The following CLSTN2 variants were observed in gnomAD, a reference collection of about 807,000 sequenced individuals.
CLSTN2 encodes calsyntenin 2.
Under a neutral mutation model 101.2 loss-of-function variants are expected in CLSTN2, and 48 were observed. That is an observed-to-expected ratio of 0.47 (90% confidence interval 0.38 to 0.60). The LOEUF is 0.60. Ranked by LOEUF, CLSTN2 falls within the 20% of genes least tolerant of loss-of-function variation. CLSTN2 has a pLI of 0.00. For missense variants in CLSTN2, 1,160 were observed against 1,238.2 expected (o/e 0.94, Z 0.95); for synonymous variants, 481 against 463.6 (o/e 1.04, Z -0.48).
chr3:140,297,044 G>A (rs557525151), intron 2 of CLSTN2, among the ~76,000 whole-genome samples: 14 of 152,318 alleles, frequency 9.2e-5, no homozygotes, highest in Middle Eastern at 3.4e-3. Context: ...GCTTCCTTCA[G>A]GTGAAATTCA....
chr3:140,002,813 A>T (rs1412232065), intron 1 of CLSTN2, among the ~76,000 whole-genome samples: 1 of 152,128 alleles, frequency 6.6e-6, no homozygotes, highest in Admixed American at 6.5e-5. Flanking sequence ...CATTTTGAAG[A>T]GACTGTATTT....
chr3:140,233,785 A>G lies in CLSTN2; in HGVS notation c.232+57712A>G, dbSNP rs896374110. On this transcript the variant is annotated intron_variant, in intron 2 of 16. Coordinates refer to ENST00000458420, the MANE Select transcript of CLSTN2 (RefSeq NM_022131.3). ...TTAATATATCTGTTTAGCTTGAAAC[A>G]TATTTTCTCCTTCCACAATCCCTCT... Among the ~76,000 whole-genome samples, 6 of 152,180 alleles carry G rather than the reference A, an allele frequency of 3.9e-5. No individual in the cohort carries two copies. In the East Asian group the frequency reaches 5.8e-4, roughly 15 times the overall value.
At chr3:139,984,804 A>G (rs1935994672) in intron 1 of CLSTN2, among the ~76,000 whole-genome samples, 1 of 152,196 alleles carries the variant, frequency 6.6e-6, no homozygotes, top group South Asian at 2.1e-4. Context: ...CCTGCCTTGT[A>G]TCTCAGATTC....
chr3:140,341,861 A>G (rs910285397), intron 2 of CLSTN2, among the ~76,000 whole-genome samples: 5 of 152,208 alleles, frequency 3.3e-5, no homozygotes, highest in African/African-American at 1.2e-4. Context: ...GTGTATATAT[A>G]TAATATTTTT....
intron 1 of CLSTN2, among the ~76,000 whole-genome samples, chr3:140,039,664 C>T (rs1336363194): frequency 6.6e-6 from 1 of 152,188 alleles, no homozygotes; most frequent in African/African-American, 2.4e-5. Flanking sequence ...TGTCTCTCCA[C>T]TGCCACCAAG....
chr3:140,306,594 A>C (rs879738189), intron 2 of CLSTN2, among the ~76,000 whole-genome samples: 48 of 152,298 alleles, frequency 3.2e-4, no homozygotes, highest in Non-Finnish European at 6.5e-4. Context: ...GCCTGCCATC[A>C]AGTAGCTGCT....
intron 1 of CLSTN2, among the ~76,000 whole-genome samples, chr3:140,103,050 C>T (rs574694500): frequency 4.6e-5 from 7 of 152,214 alleles, no homozygotes; most frequent in African/African-American, 1.7e-4. Flanking sequence ...AATAGCTCAA[C>T]AATTAAAGGT....
At chr3:140,429,335 G>C (rs1261321159) in intron 5 of CLSTN2, among the ~76,000 whole-genome samples, 1 of 152,180 alleles carries the variant, frequency 6.6e-6, no homozygotes, top group Non-Finnish European at 1.5e-5. Context: ...AGCTGCACTG[G>C]AGGGACCGTG....
At chr3:140,136,595 G>A (rs962327951) in intron 1 of CLSTN2, among the ~76,000 whole-genome samples, 4 of 152,202 alleles carry the variant, frequency 2.6e-5, no homozygotes, top group Admixed American at 6.5e-5. Context: ...TGGGTCAAAG[G>A]TACTTGAGCT....
At chr3:139,986,351 A>T (rs1446279242) in intron 1 of CLSTN2, among the ~76,000 whole-genome samples, 4 of 152,094 alleles carry the variant, frequency 2.6e-5, no homozygotes, top group African/African-American at 9.7e-5. Context: ...AGGCTTTGTT[A>T]TCTCATCAAT....
intron 8 of CLSTN2, among the ~76,000 whole-genome samples, chr3:140,470,499 T>C (rs765715176): frequency 2.6e-5 from 4 of 152,066 alleles, no homozygotes; most frequent in African/African-American, 7.2e-5. Context: ...GGTCAGGGCG[T>C]GTGAGCTCTC....
chr3:140,193,170 AGAG>A (rs1368999454), intron 2 of CLSTN2, among the ~76,000 whole-genome samples: 1 of 151,640 alleles, frequency 6.6e-6, no homozygotes, highest in Non-Finnish European at 1.5e-5. Flanking sequence ...AAAGAACTCA[AGAG>A]GAGAAGGAAG....
chr3:140,058,509 G>A (rs889656080), intron 1 of CLSTN2, among the ~76,000 whole-genome samples: 5 of 152,200 alleles, frequency 3.3e-5, no homozygotes, highest in African/African-American at 4.8e-5. Flanking sequence ...CATGGTGAAA[G>A]CTTGAGCTGG....
rs79821033 is a variant in CLSTN2 at position 140,010,950 on chromosome 3, G to A, written c.109+75467G>A. 1.7e-3 allele frequency among the ~76,000 whole-genome samples: 262 copies of A among 152,346 alleles called. 1 individual carries two copies. The highest frequency in any genetic ancestry group is 6.2e-3 in the African/African-American group (257 of 41,576). On this transcript the variant is annotated intron_variant, in intron 1 of 16. Transcript: ENST00000458420. ...TTGTCTTTGTGCTTCAGATGCACCTGAATGGCCTGTGTGTTCTGGGGGTTA... is the reference window on the plus strand; with the variant it reads ...TTGTCTTTGTGCTTCAGATGCACCTAAATGGCCTGTGTGTTCTGGGGGTTA...
At chr3:140,064,550 T>C (rs1439879307) in intron 1 of CLSTN2, among the ~76,000 whole-genome samples, 2 of 152,204 alleles carry the variant, frequency 1.3e-5, no homozygotes, top group African/African-American at 2.4e-5. Context: ...GACCACCTAT[T>C]ACTAGAACAA....
At position 140,572,183 on chromosome 3, in the gene CLSTN2, C is replaced by T. The variant is rs1185570681; in HGVS notation, c.*5930C>T. 1 of 152,186 alleles carries T rather than the reference C, an allele frequency of 6.6e-6. No individual in the cohort carries two copies. The highest frequency in any genetic ancestry group is 1.5e-5 in the Non-Finnish European group (1 of 68,050). The allele number at this position is 152,186 out of a possible 1,614,324, so 9.4% of individuals were successfully genotyped here. A position where few individuals can be genotyped will look rare whatever the true frequency, so the allele number is the denominator to read the frequency against. Reference sequence around the variant, plus strand: ...AGGGTAACTTGCTTTGACAGCTACCCACCCTAAGTCAGATGACAGGTGTAA... The same window carrying T: ...AGGGTAACTTGCTTTGACAGCTACCTACCCTAAGTCAGATGACAGGTGTAA... On this transcript the variant is annotated 3_prime_UTR_variant, in exon 17 of 17. Transcript: ENST00000458420.
chr3:140,014,869 A>G (rs2007167866), intron 1 of CLSTN2, among the ~76,000 whole-genome samples: 1 of 152,176 alleles, frequency 6.6e-6, no homozygotes, highest in Non-Finnish European at 1.5e-5. Context: ...GATTTTGAGT[A>G]AAGGAGGGAC....
intron 2 of CLSTN2, among the ~76,000 whole-genome samples, chr3:140,273,211 G>T (rs1006263208): frequency 2.0e-5 from 3 of 151,978 alleles, no homozygotes; most frequent in Non-Finnish European, 4.4e-5. Context: ...GAACCTGTCG[G>T]GGGGTGGGGG....
At chr3:140,315,586 C>T (rs1395814078) in intron 2 of CLSTN2, among the ~76,000 whole-genome samples, 1 of 152,196 alleles carries the variant, frequency 6.6e-6, no homozygotes, top group African/African-American at 2.4e-5. Flanking sequence ...TGAGACCTTC[C>T]ATTGTTTCCT....
Sources: allele counts gnomAD v4.1 joint callset (sites outside exome capture counted in the v4.1 genomes callset), GRCh38; gene constraint gnomAD v4.1.1; transcripts MANE v1.5; gene names NCBI Gene and HGNC (gene_info 2026-07-23, HGNC 2026-07-21).